Variants in CYP4F22 observed in about 807,000 individuals in gnomAD.
The protein encoded by CYP4F22 is cytochrome P450 family 4 subfamily F member 22, also known as ultra-long-chain fatty acid omega-hydroxylase.
Under a neutral mutation model 60.4 loss-of-function variants are expected in CYP4F22, and 37 were observed. That is an observed-to-expected ratio of 0.61 (90% CI 0.47 to 0.81). The LOEUF is 0.81. CYP4F22 is among the 30% of genes least tolerant of loss of function. CYP4F22 has a pLI of 0.00. For synonymous variants in CYP4F22, 258 were observed against 280.5 expected (o/e 0.92, Z 0.80); for missense variants, 655 against 715.0 (o/e 0.92, Z 0.96).
At position 15,547,968 on chromosome 19, in the gene CYP4F22, T is replaced by TGA. The variant is rs748042791; in HGVS notation, c.1137-114_1137-113dup. The TGA allele has an allele frequency of 6.6e-4, 702 of 1,069,038 alleles. 1 individual carries two copies. The highest frequency in any genetic ancestry group is 6.7e-4 in the Admixed American group (29 of 43,278). 66.2% of individuals were successfully genotyped at this position (1,069,038 alleles called of 1,614,324 possible). Reference sequence around the variant, plus strand: ...GACTGGTTTCTTGCCCAGCTGCCCCTGAGAGAGAGAGAGAGAGAGAGAGAG... The same window carrying TGA: ...GACTGGTTTCTTGCCCAGCTGCCCCTGAGAGAGAGAGAGAGAGAGAGAGAGAG... On this transcript the variant is annotated intron_variant, in intron 10 of 13. Transcript: ENST00000269703.
chr19:15,515,823 A>G (rs1410538772), intron 1 of CYP4F22, among the ~76,000 whole-genome samples: 1 of 151,508 alleles, frequency 6.6e-6, no homozygotes, highest in Non-Finnish European at 1.5e-5. Flanking sequence ...TCCTGGGTTC[A>G]CGCCATTCTC....
intron 1 of CYP4F22, among the ~76,000 whole-genome samples, chr19:15,514,190 G>A (rs187251919): frequency 6.6e-6 from 1 of 152,260 alleles, no homozygotes; most frequent in African/African-American, 2.4e-5. Context: ...GTTTTTGAAA[G>A]TCCAGGACTG....
chr19:15,530,763 C>G (rs954151256), intron 4 of CYP4F22, among the ~76,000 whole-genome samples: 3 of 152,108 alleles, frequency 2.0e-5, no homozygotes, highest in South Asian at 2.1e-4. Context: ...ATCATGGGAA[C>G]AGCAACATGG....
Position 15,537,610 on chromosome 19 carries a change from A to G in CYP4F22, c.497A>G (p.Asp166Gly). The change falls in exon 6 of 14, where the codon GAC becomes GGC. Residue 166 changes from aspartate (D) to glycine (G), a missense_variant. Transcript: ENST00000269703. Reference protein sequence around the residue: ...RRLLTPAFHFDILKPYMKIFN... With the variant: ...RRLLTPAFHFGILKPYMKIFN... ...CTGCTGACACCCGCCTTCCACTTTG[A>G]CATCCTGAAGCCTTACATGAAGATC... 6.2e-7 allele frequency: 1 copy of G among 1,614,110 alleles called. No homozygotes were observed. Among genetic ancestry groups the G allele is most frequent in the Non-Finnish European group, 8.5e-7 (1 of 1,180,030 alleles).
chr19:15,537,337 C>T lies in CYP4F22; in HGVS notation c.368-24C>T, dbSNP rs4310987. The T allele has an allele frequency of 0.41, 654,073 of 1,612,996 alleles. 136,372 individuals are homozygous for T. Among genetic ancestry groups the T allele is most frequent in the East Asian group, 0.54 (24,247 of 44,850 alleles). On this transcript the variant is annotated intron_variant, in intron 4 of 13. Transcript: ENST00000269703. ...AACCAAAAAACTCTGTTTTGAGTCA[C>T]CATTTTCCCTTTGCCCTCCACAGCT...
chr19:15,518,497 A>AT (rs1971181081), intron 1 of CYP4F22, among the ~76,000 whole-genome samples: 3 of 145,286 alleles, frequency 2.1e-5, no homozygotes, highest in African/African-American at 8.3e-5. Context: ...AAAAAAAAAA[A>AT]AATTACCTGG....
At chr19:15,509,049 G>T (rs185499881) in intron 1 of CYP4F22, among the ~76,000 whole-genome samples, 89 of 152,158 alleles carry the variant, frequency 5.8e-4, no homozygotes, top group African/African-American at 2.0e-3. Context: ...ACATTCAACC[G>T]ATGGGGTTAG....
intron 4 of CYP4F22, among the ~76,000 whole-genome samples, chr19:15,531,663 A>G (rs1184042679): frequency 1.3e-5 from 2 of 152,326 alleles, no homozygotes; most frequent in South Asian, 4.1e-4. Flanking sequence ...ACTTGTGGGA[A>G]GAGCCCTGGG....
chr19:15,513,198 C>T (rs970115427), intron 1 of CYP4F22, among the ~76,000 whole-genome samples: 2 of 151,664 alleles, frequency 1.3e-5, no homozygotes, highest in African/African-American at 4.8e-5. Context: ...TTTTTTGAGA[C>T]GGAATCTCGC....
chr19:15,525,387 G>A lies in CYP4F22; in HGVS notation c.51G>A (p.Thr17=), dbSNP rs147808045. Residue 17 remains threonine (T), a synonymous_variant, in exon 3 of 14, where the codon ACG becomes ACA. Coordinates refer to ENST00000269703, the MANE Select transcript of CYP4F22 (RefSeq NM_173483.4). ...RLLHLLGLEK[T]AFRIYAVSTL... ...TGCACCTCCTGGGGCTGGAGAAGAC[G>A]GCGTTCCGCATATACGCGGTGTCCA... 3.9e-4 allele frequency: 627 copies of A among 1,614,094 alleles called. 5 individuals carry two copies. The African/African-American group carries it at 7.5e-3, about 19-fold the overall frequency.
At chr19:15,515,884 C>T (rs1172173864) in intron 1 of CYP4F22, among the ~76,000 whole-genome samples, 23 of 152,006 alleles carry the variant, frequency 1.5e-4, no homozygotes, top group Middle Eastern at 3.4e-3. Flanking sequence ...CCACCACGTC[C>T]GGCTAATTTT....
chr19:15,521,785 C>T lies in CYP4F22; in HGVS notation c.-108-1908C>T, dbSNP rs559524484. The stretch of plus-strand genomic sequence containing the variant: ...AACTGGGCTCAAGCAATCTTCCCAT[C>T]TCAGCCTCTAGAGTAGCTGGGATCA... On this transcript the variant is annotated intron_variant, in intron 1 of 13. Coordinates refer to ENST00000269703, the MANE Select transcript of CYP4F22 (RefSeq NM_173483.4). Among the ~76,000 whole-genome samples, 198 of 152,310 alleles carry T rather than the reference C, an allele frequency of 1.3e-3. 3 individuals are homozygous for T. The highest frequency in any genetic ancestry group is 4.5e-3 in the African/African-American group (188 of 41,564).
chr19:15,544,082 A>AC, intron 9 of CYP4F22, 45 bp downstream of exon 9: 1 of 1,614,106 alleles, frequency 6.2e-7, no homozygotes, highest in Non-Finnish European at 8.5e-7. Context: ...AAGGGACATC[A>AC]TTGTCTGTAG....
rs113387561 is a variant in CYP4F22, at chr19:15,547,117, G to A, written c.1137-991G>A. ...CATCTCACTGCAACCTCCGCCTTCC[G>A]GGTTCAAGCAATTCTCTTGCCTCGG... is the stretch of plus-strand genomic sequence containing the variant. On this transcript the variant is annotated intron_variant, in intron 10 of 13. Transcript: ENST00000269703. 2.1e-3 allele frequency among the ~76,000 whole-genome samples: 304 copies of A among 144,058 alleles called. 1 individual carries two copies. The highest frequency in any genetic ancestry group is 7.4e-3 in the African/African-American group (287 of 38,980). 94.5% of individuals were successfully genotyped at this position (144,058 alleles called of 152,430 possible).
In CYP4F22 at chr19:15,540,132, C is replaced by A. The variant is rs138404426; in HGVS notation, c.672-318C>A. Among the ~76,000 whole-genome samples the A allele has an allele frequency of 2.0e-5, 3 of 152,094 alleles. No homozygotes were observed. The East Asian group carries it at 5.8e-4, about 29-fold the overall frequency. ...TGAAAGTCTTTATCCCTCTTTGGGCCTGTTCAAAAATATACCCGAGACTGG... is the reference window on the plus strand; with the variant it reads ...TGAAAGTCTTTATCCCTCTTTGGGCATGTTCAAAAATATACCCGAGACTGG... On this transcript the variant is annotated intron_variant, in intron 7 of 13. Coordinates refer to ENST00000269703, the MANE Select transcript of CYP4F22 (RefSeq NM_173483.4).
At chr19:15,537,445 G>A in intron 5 of CYP4F22, 31 bp downstream of exon 5, 1 of 1,614,212 alleles carries the variant, frequency 6.2e-7, no homozygotes, top group South Asian at 1.1e-5. Context: ...CTGGGGCTGG[G>A]GCTTTAGAGA....
intron 4 of CYP4F22, among the ~76,000 whole-genome samples, chr19:15,534,474 T>A (rs1487381413): frequency 6.6e-6 from 1 of 152,142 alleles, no homozygotes; most frequent in Non-Finnish European, 1.5e-5. Context: ...CCTCTTTTTT[T>A]TTTTCTTTTT....
At chr19:15,533,120 C>G (rs1480968376) in intron 4 of CYP4F22, among the ~76,000 whole-genome samples, 2 of 152,174 alleles carry the variant, frequency 1.3e-5, no homozygotes, top group Non-Finnish European at 2.9e-5. Flanking sequence ...GCTTCAGTTT[C>G]CCCATCATCT....
At chr19:15,551,233 A>G (rs567414502) in intron 13 of CYP4F22, 61 bp from the exon 14 acceptor site, 1 of 1,571,510 alleles carries the variant, frequency 6.4e-7, no homozygotes, top group African/African-American at 1.4e-5. Context: ...GAGGCATGTG[A>G]CCCCCGGGGA....
Sources: allele counts gnomAD v4.1 joint callset (sites outside exome capture counted in the v4.1 genomes callset), GRCh38; gene constraint gnomAD v4.1.1; transcripts MANE v1.5; gene names NCBI Gene and HGNC (gene_info 2026-07-23, HGNC 2026-07-21).